Variants in KCNQ1 observed in about 807,000 individuals in gnomAD.
KCNQ1 encodes potassium voltage-gated channel subfamily KQT member 1.
In KCNQ1, 49 loss-of-function variants were observed where a neutral mutation model predicts 72.4. That is an observed-to-expected ratio of 0.68 (90% CI 0.54 to 0.86). The LOEUF (loss-of-function observed/expected upper bound fraction) is 0.86. KCNQ1 is among the 40% of genes least tolerant of loss of function. KCNQ1 has a pLI of 0.00. For synonymous variants in KCNQ1, 450 were observed against 412.6 expected (o/e 1.09, Z -1.10); for missense variants, 790 against 945.1 (o/e 0.84, Z 2.15).
chr11:2,551,974 A>G (rs572417666), intron 2 of KCNQ1, among the ~76,000 whole-genome samples: 1 of 152,324 alleles, frequency 6.6e-6, no homozygotes, highest in African/African-American at 2.4e-5. Context: ...AGTTGTGTCT[A>G]TGTTCTGGAT....
chr11:2,636,700 A>G (rs1254417718), intron 10 of KCNQ1: 1 of 152,186 alleles, frequency 6.6e-6, no homozygotes, highest in Non-Finnish European at 1.5e-5. Flanking sequence ...CTGGCCTCAT[A>G]AAATGAGTTA....
chr11:2,658,729 A>G lies in KCNQ1; in HGVS notation c.1394-3232A>G, dbSNP rs1225440274. 2.5e-6 allele frequency: 1 copy of G among 398,420 alleles called. No homozygotes were observed. Among genetic ancestry groups the G allele is most frequent in the East Asian group, 3.6e-5 (1 of 28,082 alleles). 24.7% of individuals were successfully genotyped at this position (398,420 alleles called of 1,614,324 possible). On this transcript the variant is annotated intron_variant, in intron 10 of 15. Transcript: ENST00000155840. This position sits in a 1 kb window ranked among gnomAD's most constrained non-coding sequence, Gnocchi z 4.9. ...AACCTGAGTACACATACATCTTTAC[A>G]TATCTGTATCTATATAAAGCTAACC...
intron 6 of KCNQ1, among the ~76,000 whole-genome samples, chr11:2,575,243 C>T (rs942880445): frequency 1.3e-5 from 2 of 152,216 alleles, no homozygotes; most frequent in African/African-American, 4.8e-5. Context: ...GAACACGGCC[C>T]CTTTGTGCCC....
chr11:2,697,202 T>C (rs1406939780), intron 11 of KCNQ1: 4 of 398,528 alleles, frequency 1.0e-5, no homozygotes, highest in Non-Finnish European at 1.8e-5. Context: ...TTTTAACTTC[T>C]AAGATGGTAA....
chr11:2,585,072 C>T, intron 7 of KCNQ1, 140 bp from the exon 8 acceptor site: 1 of 759,852 alleles, frequency 1.3e-6, no homozygotes, highest in Non-Finnish European at 2.4e-6. Flanking sequence ...GCAGGCTGGG[C>T]CCGAGGTGGG....
At position 2,588,708 on chromosome 11, in the gene KCNQ1, T is replaced by C. The variant is rs1848628616; in HGVS notation, c.1252-5T>C. On this transcript the variant is annotated splice_region_variant and splice_polypyrimidine_tract_variant and intron_variant, in intron 9 of 15. Coordinates refer to ENST00000155840, the MANE Select transcript of KCNQ1 (RefSeq NM_000218.3). The surrounding 1 kb of genome is among the most constrained non-coding windows in gnomAD (Gnocchi z 5.6). The stretch of plus-strand genomic sequence containing the variant: ...ACCGCTAATCTGTTGTCTTGTTTTT[T>C]TTAGGTAAAGAAAAAAAAGTTCAAG... 1.9e-6 allele frequency: 3 copies of C among 1,613,310 alleles called. No individual in the cohort carries two copies. Among genetic ancestry groups the C allele is most frequent in the Non-Finnish European group, 2.5e-6 (3 of 1,179,934 alleles).
rs1406571244 is a variant in KCNQ1 at position 2,536,389 on chromosome 11, G to A, written c.477+8371G>A. Among the ~76,000 whole-genome samples, 4 of 152,132 alleles carry A rather than the reference G, an allele frequency of 2.6e-5. No homozygotes were observed. Among genetic ancestry groups the A allele is most frequent in the Admixed American group, 2.0e-4 (3 of 15,282 alleles). ...AGTTATGGAAGGAAGGGAGGCTGGG[G>A]TGGGTGCCCCGAGTGCCTTGTTGGA... On this transcript the variant is annotated intron_variant, in intron 2 of 15. Transcript: ENST00000155840. The surrounding 1 kb of genome is among the most constrained non-coding windows in gnomAD (Gnocchi z 7.4).
chr11:2,694,391 A>G, intron 11 of KCNQ1: 1 of 398,662 alleles, frequency 2.5e-6, no homozygotes. Context: ...CTATGGGAGA[A>G]TTACTAATAT....
At chr11:2,697,393 T>C in intron 11 of KCNQ1, 1 of 398,638 alleles carries the variant, frequency 2.5e-6, no homozygotes, top group Non-Finnish European at 4.4e-6. Flanking sequence ...CTTTTTCTTG[T>C]ATTAGGGTAT....
At chr11:2,501,274 A>C (rs1044139881) in intron 1 of KCNQ1, among the ~76,000 whole-genome samples, 4 of 151,956 alleles carry the variant, frequency 2.6e-5, no homozygotes, top group Non-Finnish European at 5.9e-5. Context: ...TAAAATTGAC[A>C]AACCTTTAGC....
chr11:2,492,607 T>C lies in KCNQ1; in HGVS notation c.387-35321T>C, dbSNP rs1349687075. 3.3e-5 allele frequency among the ~76,000 whole-genome samples: 5 copies of C among 152,142 alleles called. No homozygotes were observed. The highest frequency in any genetic ancestry group is 6.5e-5 in the Admixed American group (1 of 15,272). ...ACTTCCACTTATGAGTGAGAACATA[T>C]GGTGTTTGGTTTTCTGTTCCTGTGT... On this transcript the variant is annotated intron_variant, in intron 1 of 15. Transcript: ENST00000155840. The surrounding 1 kb of genome is among the most constrained non-coding windows in gnomAD (Gnocchi z 4.1).
At chr11:2,533,334 G>A (rs1054347225) in intron 2 of KCNQ1, among the ~76,000 whole-genome samples, 1 of 152,220 alleles carries the variant, frequency 6.6e-6, no homozygotes, top group African/African-American at 2.4e-5. Flanking sequence ...CTGGGGTCCG[G>A]CCGGCACCGT....
chr11:2,847,802 C>G lies in KCNQ1; in HGVS notation c.1830C>G (p.Thr610=). ...TQLDQRLALI[T]DMLHQLLSLH... ...TGGACCAGAGGCTGGCACTCATCAC[C>G]GACATGCTTCACCAGCTGCTCTCCT... The change falls in exon 16 of 16, where the codon ACC becomes ACG. Residue 610 remains threonine, a synonymous_variant. Coordinates refer to ENST00000155840, the MANE Select transcript of KCNQ1 (RefSeq NM_000218.3). 1.9e-6 allele frequency: 3 copies of G among 1,571,214 alleles called. No individual in the cohort carries two copies. Among genetic ancestry groups the G allele is most frequent in the Non-Finnish European group, 2.6e-6 (3 of 1,157,906 alleles).
At chr11:2,445,673 G>A (rs1846027113) in intron 1 of KCNQ1, among the ~76,000 whole-genome samples, 189 bp downstream of exon 1, 1 of 152,146 alleles carries the variant, frequency 6.6e-6, no homozygotes, top group Admixed American at 6.5e-5. Flanking sequence ...GCTGTGTCTG[G>A]GGGTGCGCAT....
Position 2,631,569 on chromosome 11 carries a change from T to C in KCNQ1, c.1394-30392T>C, listed in dbSNP as rs977672494. 3 of 398,502 alleles carry C rather than the reference T, an allele frequency of 7.5e-6. No homozygotes were observed. The South Asian group carries it at 3.8e-4, about 51-fold the overall frequency. 24.7% of individuals were successfully genotyped at this position (398,502 alleles called of 1,614,324 possible). The stretch of plus-strand genomic sequence containing the variant: ...TTAATTTTCTGTAAGGCAATTAATG[T>C]ATCCCAATTTCTTGGGAGTCAGTCC... On this transcript the variant is annotated intron_variant, in intron 10 of 15. Coordinates refer to ENST00000155840, the MANE Select transcript of KCNQ1 (RefSeq NM_000218.3).
chr11:2,572,954 G>A lies in KCNQ1; in HGVS notation c.889G>A (p.Gly297Ser), dbSNP rs34320941. Reference protein sequence around the residue: ...AVNESGRVEFGSYADALWWGV... With the variant: ...AVNESGRVEFSSYADALWWGV... ...GAACGAGTCAGGCCGCGTGGAGTTC[G>A]GCAGCTACGCAGATGCGCTGTGGTG... The change falls in exon 6 of 16, where the codon GGC (glycine) becomes AGC (serine). Residue 297 changes from glycine (G) to serine (S), a missense_variant. Gly to Ser is a moderately conservative substitution (Grantham distance 56). Around this residue, in one of 5 missense-constraint regions of KCNQ1, gnomAD observed 133 missense variants for 219.5 expected, o/e 0.61. Transcript: ENST00000155840. The A allele has an allele frequency of 1.5e-5, 24 of 1,613,788 alleles. No homozygotes were observed. In the African/African-American group the frequency reaches 1.7e-4, roughly 12 times the overall value.
rs1294222260 is a variant in KCNQ1 at position 2,668,645 on chromosome 11, T to C, written c.1514+6564T>C. On this transcript the variant is annotated intron_variant, in intron 11 of 15. Coordinates refer to ENST00000155840, the MANE Select transcript of KCNQ1 (RefSeq NM_000218.3). The surrounding 1 kb of genome is among the most constrained non-coding windows in gnomAD (Gnocchi z 4.3). The stretch of plus-strand genomic sequence containing the variant: ...TGTTTTATGTTTATTTATGGTCCTA[T>C]ATATCTTTAGATATTCTGGAGTCAT... The C allele has an allele frequency of 2.5e-6, 1 of 398,530 alleles. No individual in the cohort carries two copies. The highest frequency in any genetic ancestry group is 2.1e-5 in the African/African-American group (1 of 48,640). 24.7% of individuals were successfully genotyped at this position (398,530 alleles called of 1,614,324 possible). A position where few individuals can be genotyped will look rare whatever the true frequency, so the allele number is the denominator to read the frequency against.
Position 2,549,695 on chromosome 11 carries a change from C to T in KCNQ1, c.478-20933C>T, listed in dbSNP as rs1454544042. Among the ~76,000 whole-genome samples the T allele has an allele frequency of 2.0e-5, 3 of 152,032 alleles. No individual in the cohort carries two copies. Among genetic ancestry groups the T allele is most frequent in the Admixed American group, 6.5e-5 (1 of 15,278 alleles). On this transcript the variant is annotated intron_variant, in intron 2 of 15. Transcript: ENST00000155840. The surrounding 1 kb of genome is among the most constrained non-coding windows in gnomAD (Gnocchi z 6.2). ...GGAACAAGAGGCGTTTTGTGTTCTG[C>T]ATGGGTGGCCCTGGGCTCCCCAGGC...
intron 10 of KCNQ1, among the ~76,000 whole-genome samples, chr11:2,607,868 G>T (rs1161336159): frequency 1.3e-5 from 2 of 152,046 alleles, no homozygotes; most frequent in Non-Finnish European, 2.9e-5. Context: ...CTAGTATTTT[G>T]TTGAGGGTTT....
Sources: allele counts gnomAD v4.1 joint callset (sites outside exome capture counted in the v4.1 genomes callset), GRCh38; gene constraint gnomAD v4.1.1; regional missense constraint gnomAD v4.1.1; non-coding constraint Gnocchi (gnomAD v3.1); transcripts MANE v1.5; gene names NCBI Gene and HGNC (gene_info 2026-07-23, HGNC 2026-07-21).